The following ROBO1 variants were observed in gnomAD, a reference collection of about 807,000 sequenced individuals.
ROBO1 encodes the protein roundabout homolog 1.
A neutral mutation model predicts 195.9 loss-of-function variants in ROBO1; 149 were observed. The ratio of observed to expected loss-of-function variants is 0.76; its 90% CI spans 0.67 to 0.87. The LOEUF is 0.87. Among genes scored for constraint, ROBO1 ranks in the 40% least tolerant of loss-of-function variants. The pLI is 0.00. For synonymous variants in ROBO1, 816 were observed against 733.2 expected (o/e 1.11, Z -1.82); for missense variants, 1,933 against 2,068.3 (o/e 0.93, Z 1.27).
At chr3:79,221,360 T>G (rs1196281849) in intron 2 of ROBO1, among the ~76,000 whole-genome samples, 1 of 152,118 alleles carries the variant, frequency 6.6e-6, no homozygotes, top group Non-Finnish European at 1.5e-5. Flanking sequence ...ACATGAATTA[T>G]AAGATATTTT....
At chr3:78,946,351 G>T (rs1193606749) in intron 3 of ROBO1, among the ~76,000 whole-genome samples, 1 of 152,192 alleles carries the variant, frequency 6.6e-6, no homozygotes. Context: ...AGCTAGAGGA[G>T]AGTGGGGACC....
chr3:79,183,799 C>G (rs2081388316), intron 2 of ROBO1, among the ~76,000 whole-genome samples: 1 of 152,126 alleles, frequency 6.6e-6, no homozygotes, highest in Admixed American at 6.5e-5. Flanking sequence ...CTGTAGCTAT[C>G]AGATGATTTC....
chr3:78,759,184 G>C (rs34811803), intron 4 of ROBO1: 35,642 of 153,032 alleles, frequency 0.23, 4,455 homozygotes, highest in East Asian at 0.51. Flanking sequence ...GAAGGTTCTT[G>C]TGATGAACAC....
At chr3:78,848,626 A>G (rs1487854385) in intron 4 of ROBO1, among the ~76,000 whole-genome samples, 1 of 152,156 alleles carries the variant, frequency 6.6e-6, no homozygotes, top group Non-Finnish European at 1.5e-5. Flanking sequence ...CTGCAAGTCT[A>G]GAGAGAAGTG....
At chr3:78,607,311 C>T (rs1575764948) in intron 28 of ROBO1, 7 of 363,950 alleles carry the variant, frequency 1.9e-5, no homozygotes, top group East Asian at 5.2e-5. Context: ...CTCCTGGGTG[C>T]GAGCAATCCT....
chr3:78,597,661 T>C lies in ROBO1; in HGVS notation c.*1252A>G, dbSNP rs1334954553. 6.6e-6 allele frequency: 1 copy of C among 152,298 alleles called. No homozygotes were observed. Among genetic ancestry groups the C allele is most frequent in the Admixed American group, 6.5e-5 (1 of 15,272 alleles). The allele number at this position is 152,298 out of a possible 1,614,324, so 9.4% of individuals were successfully genotyped here. A position where few individuals can be genotyped will look rare whatever the true frequency, so the allele number is the denominator to read the frequency against. Reference sequence around the variant, plus strand: ...GTCAATTGAAAGCAAGTAATGCCTCTATTAGAGATTTTAAGGAAATCTTGT... The same window carrying C: ...GTCAATTGAAAGCAAGTAATGCCTCCATTAGAGATTTTAAGGAAATCTTGT... On this transcript the variant is annotated 3_prime_UTR_variant, in exon 31 of 31. Coordinates refer to ENST00000464233, the MANE Select transcript of ROBO1 (RefSeq NM_002941.4).
At chr3:79,359,744 G>C (rs1004257056) in intron 2 of ROBO1, among the ~76,000 whole-genome samples, 4 of 151,818 alleles carry the variant, frequency 2.6e-5, no homozygotes, top group African/African-American at 9.7e-5. Context: ...AATATCCTAA[G>C]AAAAGAATTG....
At chr3:79,753,477 T>A (rs1332534511) in intron 1 of ROBO1, among the ~76,000 whole-genome samples, 1 of 152,210 alleles carries the variant, frequency 6.6e-6, no homozygotes, top group Non-Finnish European at 1.5e-5. Flanking sequence ...AAATCAGTGA[T>A]GATATTGTCC....
intron 2 of ROBO1, among the ~76,000 whole-genome samples, chr3:79,246,082 A>T (rs1323772799): frequency 1.3e-5 from 2 of 152,086 alleles, no homozygotes; most frequent in South Asian, 2.1e-4. Context: ...TTTAAAACTG[A>T]TTATTAAAGT....
intron 21 of ROBO1, 93 bp from the exon 22 acceptor site, chr3:78,639,991 C>T: frequency 2.9e-6 from 3 of 1,038,656 alleles, no homozygotes; most frequent in East Asian, 5.3e-5. Context: ...TCTTGTTATG[C>T]TCACAAATCA....
chr3:79,631,173 G>C (rs1009708825), intron 1 of ROBO1, among the ~76,000 whole-genome samples: 5 of 133,264 alleles, frequency 3.8e-5, no homozygotes, highest in Non-Finnish European at 7.8e-5. Context: ...GAACAAAAAA[G>C]AGCCTGCATT....
intron 2 of ROBO1, among the ~76,000 whole-genome samples, chr3:79,346,849 T>C (rs926641382): frequency 9.9e-5 from 15 of 151,758 alleles, no homozygotes; most frequent in Admixed American, 5.9e-4. Flanking sequence ...TTAATAATTA[T>C]TTTAAATATT....
At chr3:78,904,529 T>C (rs2037774386) in intron 4 of ROBO1, among the ~76,000 whole-genome samples, 1 of 151,982 alleles carries the variant, frequency 6.6e-6, no homozygotes, top group African/African-American at 2.4e-5. Flanking sequence ...TCCAGTTGCA[T>C]TTATGTCCAT....
At chr3:79,341,596 A>G (rs935406848) in intron 2 of ROBO1, among the ~76,000 whole-genome samples, 1 of 151,960 alleles carries the variant, frequency 6.6e-6, no homozygotes, top group African/African-American at 2.4e-5. Context: ...CTCCCAAGTT[A>G]GCCTCCCAGT....
intron 3 of ROBO1, among the ~76,000 whole-genome samples, chr3:79,011,512 G>A (rs2077775534): frequency 6.6e-6 from 1 of 151,930 alleles, no homozygotes; most frequent in Admixed American, 6.6e-5. Flanking sequence ...TTGGCTTCAT[G>A]TTCTTTTCCT....
intron 2 of ROBO1, among the ~76,000 whole-genome samples, chr3:79,393,833 G>T (rs548862613): frequency 6.6e-6 from 1 of 152,260 alleles, no homozygotes; most frequent in East Asian, 1.9e-4. Flanking sequence ...TTGATGGATG[G>T]ATACTTGATT....
intron 3 of ROBO1, among the ~76,000 whole-genome samples, chr3:78,969,276 T>G (rs2076712698): frequency 6.6e-6 from 1 of 152,174 alleles, no homozygotes; most frequent in African/African-American, 2.4e-5. Context: ...ACTATCAACA[T>G]GGAAGCTCAA....
intron 8 of ROBO1, among the ~76,000 whole-genome samples, chr3:78,705,812 C>G (rs2081536366): frequency 2.0e-5 from 3 of 152,020 alleles, no homozygotes; most frequent in Non-Finnish European, 4.4e-5. Context: ...TTCCTGCTCC[C>G]CCAATGTTAG....
chr3:79,550,656 G>T (rs898081421), intron 2 of ROBO1, among the ~76,000 whole-genome samples: 1 of 152,132 alleles, frequency 6.6e-6, no homozygotes, highest in African/African-American at 2.4e-5. Context: ...AATTATTAGG[G>T]AGAAATAATT....
Sources: allele counts gnomAD v4.1 joint callset (sites outside exome capture counted in the v4.1 genomes callset), GRCh38; gene constraint gnomAD v4.1.1; transcripts MANE v1.5; gene names NCBI Gene and HGNC (gene_info 2026-07-23, HGNC 2026-07-21).